SLC25A26: variants seen among roughly 807,000 people sequenced by gnomAD.
SLC25A26 encodes solute carrier family 25 member 26, also known as mitochondrial S-adenosylmethionine carrier protein.
Under a neutral mutation model 37.8 loss-of-function variants are expected in SLC25A26, and 36 were observed. The observed-to-expected ratio is 0.95, with a 90% CI of 0.73 to 1.26. The LOEUF is 1.26. SLC25A26 is among the 50% of genes most tolerant of loss of function. The probability of loss-of-function intolerance (pLI) is 0.00; values close to 1 mark genes in which losing one functional copy is unlikely to be tolerated. For missense variants in SLC25A26, 390 were observed against 331.1 expected (o/e 1.18, Z -1.38); for synonymous variants, 129 against 122.5 (o/e 1.05, Z -0.35).
intron 1 of SLC25A26, among the ~76,000 whole-genome samples, chr3:66,223,540 G>A (rs1553659452): frequency 6.6e-6 from 1 of 152,216 alleles, no homozygotes; most frequent in East Asian, 1.9e-4. Flanking sequence ...GTGCGTTTGA[G>A]ACACAGTGAA....
At chr3:66,334,305 T>C (rs1364619448) in intron 5 of SLC25A26, among the ~76,000 whole-genome samples, 1 of 151,804 alleles carries the variant, frequency 6.6e-6, no homozygotes, top group East Asian at 1.9e-4. Flanking sequence ...ACAGAAGCTT[T>C]GTTTGTTTCT....
At chr3:66,141,871 C>A (rs1406916981) in intron 1 of SLC25A26, among the ~76,000 whole-genome samples, 1 of 152,196 alleles carries the variant, frequency 6.6e-6, no homozygotes, top group Non-Finnish European at 1.5e-5. Flanking sequence ...TGTTGAAGCC[C>A]TAGGCTGGAT....
At chr3:66,279,467 A>G (rs145868597) in intron 5 of SLC25A26, among the ~76,000 whole-genome samples, 15 of 152,316 alleles carry the variant, frequency 9.8e-5, no homozygotes, top group African/African-American at 3.4e-4. Flanking sequence ...AGATATGAAA[A>G]ATATAAGAAT....
At chr3:66,226,261 T>C (rs1553660548) in intron 1 of SLC25A26, among the ~76,000 whole-genome samples, 2 of 152,178 alleles carry the variant, frequency 1.3e-5, no homozygotes, top group African/African-American at 4.8e-5. Flanking sequence ...CTTACATGGC[T>C]GCAGATGAGA....
At chr3:66,221,878 A>G (rs1453959624) in intron 1 of SLC25A26, among the ~76,000 whole-genome samples, 4 of 151,588 alleles carry the variant, frequency 2.6e-5, no homozygotes, top group Admixed American at 1.3e-4. Flanking sequence ...AATTTTTAAA[A>G]TGATTTTCAT....
intron 1 of SLC25A26, among the ~76,000 whole-genome samples, chr3:66,235,699 A>T (rs2072244686): frequency 6.6e-6 from 1 of 152,116 alleles, no homozygotes; most frequent in Admixed American, 6.5e-5. Context: ...ATAAATCGTT[A>T]AAAAAAGTAC....
At chr3:66,330,623 T>G (rs1334088199) in intron 5 of SLC25A26, among the ~76,000 whole-genome samples, 1 of 138,512 alleles carries the variant, frequency 7.2e-6, no homozygotes, top group Non-Finnish European at 1.5e-5. Flanking sequence ...GATCCTTAAG[T>G]AAATAGACAA....
At chr3:66,140,373 G>A (rs1338244590) in intron 1 of SLC25A26, among the ~76,000 whole-genome samples, 3 of 152,130 alleles carry the variant, frequency 2.0e-5, no homozygotes, top group African/African-American at 7.2e-5. Context: ...TTTGTGGATA[G>A]CATCACCAAG....
chr3:66,340,466 G>C (rs202078931), intron 5 of SLC25A26, among the ~76,000 whole-genome samples: 6 of 151,938 alleles, frequency 3.9e-5, no homozygotes, highest in Non-Finnish European at 7.4e-5. Context: ...ATTGCGTCTT[G>C]TGGTCCCAGA....
chr3:66,207,659 T>C (rs1421329106), intron 1 of SLC25A26, among the ~76,000 whole-genome samples: 5 of 152,330 alleles, frequency 3.3e-5, no homozygotes, highest in African/African-American at 1.2e-4. Flanking sequence ...TAGTTAAAAC[T>C]AAATTATTTT....
At chr3:66,147,681 T>C (rs1290378765) in intron 1 of SLC25A26, among the ~76,000 whole-genome samples, 1 of 152,200 alleles carries the variant, frequency 6.6e-6, no homozygotes, top group African/African-American at 2.4e-5. Context: ...TTCACAGAGG[T>C]TGTACTAATT....
At chr3:66,303,897 G>T (rs749219392) in intron 5 of SLC25A26, among the ~76,000 whole-genome samples, 2 of 152,188 alleles carry the variant, frequency 1.3e-5, no homozygotes, top group Non-Finnish European at 2.9e-5. Flanking sequence ...GTGGCAGTAT[G>T]ACTGAGGATC....
chr3:66,150,603 GATAT>G (rs1169750069), intron 1 of SLC25A26, among the ~76,000 whole-genome samples: 396 of 25,804 alleles, frequency 0.015, 4 homozygotes, highest in Admixed American at 0.021. Flanking sequence ...TATGTAATGA[GATAT>G]ATATATATAT....
At position 66,249,222 on chromosome 3, in the gene SLC25A26, T is replaced by A. The variant is rs558642906; in HGVS notation, c.300+5910T>A. 2.3e-4 allele frequency among the ~76,000 whole-genome samples: 18 copies of A among 78,838 alleles called. 1 individual carries two copies. In the East Asian group the frequency reaches 5.6e-3, roughly 25 times the overall value. The allele number at this position is 78,838 out of a possible 152,430, so 51.7% of individuals were successfully genotyped here. A position where few individuals can be genotyped will look rare whatever the true frequency, so the allele number is the denominator to read the frequency against. ...ATTTAACTGGAGTTAGAATGAGGTT[T>A]TCTCCAAGGCCCATGCTGTCATAGA... On this transcript the variant is annotated intron_variant, in intron 3 of 9. Transcript: ENST00000354883.
chr3:66,226,173 A>G (rs376573321), intron 1 of SLC25A26, among the ~76,000 whole-genome samples: 2 of 152,238 alleles, frequency 1.3e-5, no homozygotes, highest in South Asian at 4.1e-4. Context: ...GAAGAGGTTT[A>G]ATGGACTAAC....
chr3:66,170,738 C>T (rs1426288920), intron 1 of SLC25A26, among the ~76,000 whole-genome samples: 1 of 147,536 alleles, frequency 6.8e-6, no homozygotes, highest in Non-Finnish European at 1.5e-5. Flanking sequence ...GTGCCGGACA[C>T]ATGTAGTGCC....
rs547652964 is a variant in SLC25A26, at chr3:66,295,274, A to T, written c.453+31895A>T. Among the ~76,000 whole-genome samples the T allele has an allele frequency of 3.9e-5, 6 of 152,184 alleles. No homozygotes were observed. In the East Asian group the frequency reaches 1.2e-3, roughly 29 times the overall value. Reference sequence around the variant, plus strand: ...AGTCCCGCACTTTTGGCTGGGCTGGAGTGCAGTGGCGCGATCTCAGCTCAC... The same window carrying T: ...AGTCCCGCACTTTTGGCTGGGCTGGTGTGCAGTGGCGCGATCTCAGCTCAC... On this transcript the variant is annotated intron_variant, in intron 5 of 9. Transcript: ENST00000354883.
intron 3 of SLC25A26, among the ~76,000 whole-genome samples, chr3:66,248,163 A>C (rs1450206237): frequency 1.3e-5 from 2 of 152,258 alleles, no homozygotes; most frequent in African/African-American, 4.8e-5. Flanking sequence ...GTGCCAAAAT[A>C]ATAACCATTC....
intron 1 of SLC25A26, among the ~76,000 whole-genome samples, chr3:66,214,244 A>G (rs1463113468): frequency 6.6e-6 from 1 of 152,054 alleles, no homozygotes; most frequent in African/African-American, 2.4e-5. Flanking sequence ...CTCTCTCACC[A>G]TGTGACATGC....
Sources: gnomAD v4.1 joint callset for allele counts (sites outside exome capture counted in the v4.1 genomes callset) on GRCh38, gnomAD v4.1.1 for gene constraint, MANE v1.5 for transcripts, NCBI Gene and HGNC (gene_info 2026-07-23, HGNC 2026-07-21) for gene names.